SAFB: variants seen among roughly 807,000 people sequenced by gnomAD.
SAFB encodes the protein scaffold attachment factor B.
Under a neutral mutation model 101.6 loss-of-function variants are expected in SAFB, and 15 were observed. That is an observed-to-expected ratio of 0.15 (90% CI 0.10 to 0.23). The LOEUF (loss-of-function observed/expected upper bound fraction) is 0.23. Among genes scored for constraint, SAFB ranks in the 10% least tolerant of loss-of-function variants. The probability of loss-of-function intolerance (pLI) is 1.00; values close to 1 mark genes in which losing one functional copy is unlikely to be tolerated. For synonymous variants in SAFB, 449 were observed against 407.5 expected (o/e 1.10, Z -1.23); for missense variants, 930 against 1,104.1 (o/e 0.84, Z 2.23).
At chr19:5,659,526 CG>C (rs1243830605) in intron 14 of SAFB, among the ~76,000 whole-genome samples, 3 of 151,808 alleles carry the variant, frequency 2.0e-5, no homozygotes, top group Admixed American at 2.0e-4. Context: ...GGACTACAGG[CG>C]CCTGCCATCA....
chr19:5,658,616 G>A (rs1044953767), intron 14 of SAFB, among the ~76,000 whole-genome samples: 1 of 151,868 alleles, frequency 6.6e-6, no homozygotes, highest in Middle Eastern at 3.2e-3. Flanking sequence ...GACCGAGGCT[G>A]GCGGATCACG....
chr19:5,664,714 G>A (rs1009724184), intron 17 of SAFB: 2 of 400,990 alleles, frequency 5.0e-6, no homozygotes, highest in Non-Finnish European at 9.3e-6. Flanking sequence ...AACAGTGCCA[G>A]GGAACCTTGG....
At chr19:5,651,148 C>T (rs1009466386) in intron 9 of SAFB, 76 bp downstream of exon 9, 6 of 884,078 alleles carry the variant, frequency 6.8e-6, no homozygotes, top group African/African-American at 1.7e-5. Flanking sequence ...GTCCTCTCCC[C>T]TCAGTGAGTT....
At position 5,650,973 on chromosome 19, in the gene SAFB, A is replaced by G; in HGVS notation, c.1199-5A>G. The G allele has an allele frequency of 6.3e-7, 1 of 1,581,016 alleles. No homozygotes were observed. The highest frequency in any genetic ancestry group is 8.6e-7 in the Non-Finnish European group (1 of 1,157,632). ...GGTTTTTACTAGAATTTTCTTTTGA[A>G]ATAGGTCGCAGCAGTTGTGGTAGAA... On this transcript the variant is annotated splice_region_variant and splice_polypyrimidine_tract_variant and intron_variant, in intron 8 of 20. Coordinates refer to ENST00000588852, the MANE Select transcript of SAFB (RefSeq NM_001201338.2).
Position 5,667,313 on chromosome 19 carries a change from G to A in SAFB, c.2454-34G>A, listed in dbSNP as rs370960910. The A allele has an allele frequency of 2.1e-6, 3 of 1,429,274 alleles. No individual in the cohort carries two copies. The highest frequency in any genetic ancestry group is 2.9e-5 in the African/African-American group (2 of 69,076). The allele number at this position is 1,429,274 out of a possible 1,614,324, so 88.5% of individuals were successfully genotyped here. A position where few individuals can be genotyped will look rare whatever the true frequency, so the allele number is the denominator to read the frequency against. On this transcript the variant is annotated intron_variant, in intron 18 of 20. Coordinates refer to ENST00000588852, the MANE Select transcript of SAFB (RefSeq NM_001201338.2). This position sits in a 1 kb window ranked among gnomAD's most constrained non-coding sequence, Gnocchi z 4.0. Reference sequence around the variant, plus strand: ...TTATTAGCACAAGAGCCAGAGATGGGGGCAATCCAAATCAGAGATGTCTCT... The same window carrying A: ...TTATTAGCACAAGAGCCAGAGATGGAGGCAATCCAAATCAGAGATGTCTCT...
In SAFB at chr19:5,668,163, C is replaced by T. The variant is rs1383845382; in HGVS notation, c.2626C>T (p.Arg876Cys). The change falls in exon 21 of 21, where the codon CGC (arginine) becomes TGC (cysteine). Residue 876 changes from arginine to cysteine, a missense_variant and splice_region_variant. Arg to Cys is a radical substitution (Grantham distance 180). Transcript: ENST00000588852. The part of the protein sequence containing the change: ...HMMNRGGMSG[R>C]GSFAPGGASR... Reference sequence around the variant, plus strand: ...AAACCAATGTGAATTTGTTCCTAGGCGCGGCAGCTTTGCCCCAGGCGGGGC... The same window carrying T: ...AAACCAATGTGAATTTGTTCCTAGGTGCGGCAGCTTTGCCCCAGGCGGGGC... 15 of 1,606,624 alleles carry T rather than the reference C, an allele frequency of 9.3e-6. No homozygotes were observed. The highest frequency in any genetic ancestry group is 4.5e-5 in the East Asian group (2 of 44,536).
At chr19:5,629,898 C>T (rs1264001767) in intron 2 of SAFB, among the ~76,000 whole-genome samples, 6 of 151,926 alleles carry the variant, frequency 3.9e-5, no homozygotes, top group Non-Finnish European at 7.4e-5. Flanking sequence ...AGAAATTTGC[C>T]AGGTGTGGTG....
chr19:5,657,214 A>C (rs763708330), intron 13 of SAFB, 27 bp from the exon 14 acceptor site: 2 of 1,589,432 alleles, frequency 1.3e-6, no homozygotes, highest in East Asian at 4.5e-5. Flanking sequence ...CTCTGCTTTA[A>C]CTTTTTAATG....
chr19:5,651,218 C>G, intron 9 of SAFB, 146 bp downstream of exon 9: 1 of 555,256 alleles, frequency 1.8e-6, no homozygotes, highest in Non-Finnish European at 3.2e-6. Context: ...TGCCCGTCCA[C>G]AGGTAGAGGT....
At chr19:5,655,284 C>CCCATCTT (rs1326216898) in intron 13 of SAFB, among the ~76,000 whole-genome samples, 66 of 151,810 alleles carry the variant, frequency 4.3e-4, no homozygotes, top group Non-Finnish European at 2.5e-4. Flanking sequence ...ATAGTAAGAC[C>CCCATCTT]CCATCTTCAC....
At chr19:5,661,303 TCA>T (rs1222968480) in intron 14 of SAFB, among the ~76,000 whole-genome samples, 2 of 151,934 alleles carry the variant, frequency 1.3e-5, no homozygotes, top group African/African-American at 4.8e-5. Context: ...CCAGTTCTGA[TCA>T]CACACACACA....
At chr19:5,626,290 G>C in intron 1 of SAFB, 115 bp from the exon 2 acceptor site, 2 of 677,482 alleles carry the variant, frequency 3.0e-6, no homozygotes, top group Non-Finnish European at 5.3e-6. Flanking sequence ...TGGGTGGTGA[G>C]GGCGGCAGCA....
chr19:5,623,214 G>A lies in SAFB; in HGVS notation c.9G>A (p.Glu3=), dbSNP rs549104654. The A allele has an allele frequency of 2.3e-5, 37 of 1,592,992 alleles. No individual in the cohort carries two copies. The highest frequency in any genetic ancestry group is 3.4e-6 in the Non-Finnish European group (4 of 1,170,322). The change falls in exon 1 of 21, where the codon GAG becomes GAA. Residue 3 remains glutamate, a synonymous_variant. Transcript: ENST00000588852. ...GAGCCAGGGTCCCTGGAATGGCGGA[G>A]ACTCTGTCAGGCCTAGGTGATTCTG... is the stretch of plus-strand genomic sequence containing the variant. MA[E]TLSGLGDSGA... is the part of the protein sequence containing the mutation.
chr19:5,633,963 C>T (rs1158518815), intron 2 of SAFB, among the ~76,000 whole-genome samples: 3 of 151,972 alleles, frequency 2.0e-5, no homozygotes, highest in Non-Finnish European at 4.4e-5. Flanking sequence ...GGTGACAAAG[C>T]CCTCATGAAC....
chr19:5,662,124 A>T (rs2054224894), intron 15 of SAFB, among the ~76,000 whole-genome samples: 2 of 152,086 alleles, frequency 1.3e-5, no homozygotes, highest in Admixed American at 1.3e-4. Flanking sequence ...TGACCTCGTG[A>T]TCCACCTGCC....
At chr19:5,648,560 G>T (rs905759721) in intron 6 of SAFB, among the ~76,000 whole-genome samples, 1 of 152,188 alleles carries the variant, frequency 6.6e-6, no homozygotes, top group Non-Finnish European at 1.5e-5. Context: ...CTCAGAGCAC[G>T]GATGGAAGAG....
At position 5,637,067 on chromosome 19, in the gene SAFB, G is replaced by A. The variant is rs191897747; in HGVS notation, c.275-4527G>A. Among the ~76,000 whole-genome samples, 40 of 151,350 alleles carry A rather than the reference G, an allele frequency of 2.6e-4. No individual in the cohort carries two copies. In the East Asian group the frequency reaches 6.8e-3, roughly 26 times the overall value. Reference sequence around the variant, plus strand: ...GCCTTAAAACAATTGATTTTCGGCCGGGCGTGGTGGCTCACGCCTGTAATC... The same window carrying A: ...GCCTTAAAACAATTGATTTTCGGCCAGGCGTGGTGGCTCACGCCTGTAATC... On this transcript the variant is annotated intron_variant, in intron 2 of 20. Transcript: ENST00000588852.
At chr19:5,632,669 C>T (rs569428013) in intron 2 of SAFB, among the ~76,000 whole-genome samples, 1 of 152,264 alleles carries the variant, frequency 6.6e-6, no homozygotes, top group South Asian at 2.1e-4. Context: ...TTTGGGTTCT[C>T]CCCGCCCCAT....
intron 2 of SAFB, among the ~76,000 whole-genome samples, chr19:5,628,415 A>G (rs1042969292): frequency 6.6e-6 from 1 of 152,210 alleles, no homozygotes; most frequent in Non-Finnish European, 1.5e-5. Context: ...TGGGGCCCAA[A>G]TCTAAACAAG....
Sources: allele counts gnomAD v4.1 joint callset (sites outside exome capture counted in the v4.1 genomes callset), GRCh38; gene constraint gnomAD v4.1.1; non-coding constraint Gnocchi (gnomAD v3.1); transcripts MANE v1.5; gene names NCBI Gene and HGNC (gene_info 2026-07-23, HGNC 2026-07-21).